The following NELL2 variants were observed in gnomAD, a reference collection of about 807,000 sequenced individuals.
NELL2 encodes the protein neural EGFL like 2, also known as protein kinase C-binding protein NELL2.
In NELL2, 41 loss-of-function variants were observed where a neutral mutation model predicts 109.6. The ratio of observed to expected loss-of-function variants is 0.37; its 90% CI spans 0.29 to 0.49. The LOEUF is 0.49. Among genes scored for constraint, NELL2 ranks in the 20% least tolerant of loss-of-function variants. NELL2 has a pLI of 0.98. For missense variants in NELL2, 900 were observed against 1,008.3 expected, an observed-to-expected ratio of 0.89 and a Z score of 1.45; for synonymous variants, 355 against 344.7, an observed-to-expected ratio of 1.03 and a Z score of -0.33.
At chr12:44,900,780 A>T (rs1306583380) in intron 1 of NELL2, among the ~76,000 whole-genome samples, 1 of 152,040 alleles carries the variant, frequency 6.6e-6, no homozygotes, top group Non-Finnish European at 1.5e-5. Context: ...CACAAGGTCA[A>T]GAGATCGAGA....
chr12:44,826,488 G>A (rs1438626138), intron 2 of NELL2, among the ~76,000 whole-genome samples: 1 of 152,050 alleles, frequency 6.6e-6, no homozygotes, highest in African/African-American at 2.4e-5. Context: ...AAACTTATAA[G>A]ACAAAATGGT....
At chr12:44,836,988 G>A (rs968264758) in intron 2 of NELL2, among the ~76,000 whole-genome samples, 8 of 152,206 alleles carry the variant, frequency 5.3e-5, no homozygotes, top group South Asian at 4.1e-4. Context: ...GACCACTACC[G>A]TCATAAACAG....
At chr12:44,785,623 C>G (rs1332519988) in intron 3 of NELL2, among the ~76,000 whole-genome samples, 1 of 152,196 alleles carries the variant, frequency 6.6e-6, no homozygotes, top group Non-Finnish European at 1.5e-5. Flanking sequence ...CACCTGACTT[C>G]AAACTATACT....
Position 44,582,413 on chromosome 12 carries a change from T to TA in NELL2, c.1663+24755dup, listed in dbSNP as rs140060065. Among the ~76,000 whole-genome samples, 1,195 of 152,220 alleles carry TA rather than the reference T, an allele frequency of 7.9e-3. 12 individuals are homozygous for TA. The highest frequency in any genetic ancestry group is 0.027 in the African/African-American group (1,128 of 41,520). ...ATATTTGGAGAAAGAGCAAGAAAGT[T>TA]AGGGTATTCATAAAGGTGTGTTTAG... On this transcript the variant is annotated intron_variant, in intron 15 of 19. Transcript: ENST00000429094.
At chr12:44,614,579 C>T (rs1424953579) in intron 13 of NELL2, among the ~76,000 whole-genome samples, 1 of 151,994 alleles carries the variant, frequency 6.6e-6, no homozygotes, top group Non-Finnish European at 1.5e-5. Flanking sequence ...CAGTTGGATG[C>T]ATCTAAACGC....
chr12:44,611,791 A>C (rs970378495), intron 13 of NELL2, among the ~76,000 whole-genome samples: 2 of 152,052 alleles, frequency 1.3e-5, no homozygotes, highest in Non-Finnish European at 2.9e-5. Flanking sequence ...TCAGAATTCT[A>C]GCTCAGCATT....
chr12:44,693,218 A>G (rs987168741), intron 12 of NELL2, among the ~76,000 whole-genome samples: 3 of 152,202 alleles, frequency 2.0e-5, no homozygotes, highest in Admixed American at 1.3e-4. Flanking sequence ...CAGCAAAAAT[A>G]TTATTATGAC....
intron 7 of NELL2, 72 bp from the exon 8 acceptor site, chr12:44,776,222 G>C (rs1043205182): frequency 5.8e-6 from 9 of 1,550,414 alleles, no homozygotes; most frequent in Admixed American, 3.7e-5. Flanking sequence ...CACTCCGCAG[G>C]TATCTTTTTT....
chr12:44,708,511 T>A lies in NELL2; in HGVS notation c.1189+2781A>T, dbSNP rs1287960622. On this transcript the variant is annotated intron_variant, in intron 11 of 19. Transcript: ENST00000429094. ...AATAGGCCTGGAAACAGGAGGCCAATTTTATCACAAATGAATTTGTCACAA... is the reference window on the plus strand; with the variant it reads ...AATAGGCCTGGAAACAGGAGGCCAAATTTATCACAAATGAATTTGTCACAA... 2.0e-5 allele frequency among the ~76,000 whole-genome samples: 3 copies of A among 152,186 alleles called. No individual in the cohort carries two copies. In the East Asian group the frequency reaches 5.8e-4, roughly 29 times the overall value.
chr12:44,773,955 T>C (rs2136581995), intron 9 of NELL2, among the ~76,000 whole-genome samples: 1 of 152,286 alleles, frequency 6.6e-6, no homozygotes, highest in Non-Finnish European at 1.5e-5. Context: ...AGAGTATACA[T>C]ATAAATACAC....
intron 3 of NELL2, 119 bp from the exon 4 acceptor site, chr12:44,780,141 T>A: frequency 1.0e-6 from 1 of 976,438 alleles, no homozygotes. Flanking sequence ...TAAGTACAAC[T>A]AGACATCATA....
At position 44,643,192 on chromosome 12, in the gene NELL2, G is replaced by C. The variant is rs540212716; in HGVS notation, c.1444+22292C>G. On this transcript the variant is annotated intron_variant, in intron 13 of 19. Coordinates refer to ENST00000429094, the MANE Select transcript of NELL2 (RefSeq NM_001145108.2). The stretch of plus-strand genomic sequence containing the variant: ...TGTATCCTAAGAATATTATCAGGGA[G>C]GATTACAAAAGTCCTATACCACATA... Among the ~76,000 whole-genome samples, 3 of 152,036 alleles carry C rather than the reference G, an allele frequency of 2.0e-5. No individual in the cohort carries two copies. The South Asian group carries it at 6.2e-4, about 32-fold the overall frequency.
chr12:44,752,026 T>C (rs957948104), intron 9 of NELL2, among the ~76,000 whole-genome samples: 1 of 152,092 alleles, frequency 6.6e-6, no homozygotes, highest in African/African-American at 2.4e-5. Context: ...TTGGGCTACA[T>C]TCAAAGCCAT....
intron 19 of NELL2, among the ~76,000 whole-genome samples, chr12:44,514,761 AG>A (rs1941182902): frequency 6.6e-6 from 1 of 151,476 alleles, no homozygotes. Flanking sequence ...TTTCTTCAAA[AG>A]ACATAAAACT....
intron 15 of NELL2, among the ~76,000 whole-genome samples, chr12:44,547,463 A>G (rs1426776761): frequency 6.6e-6 from 1 of 152,126 alleles, no homozygotes; most frequent in African/African-American, 2.4e-5. Flanking sequence ...ATAAAATATT[A>G]CTCCAGCATG....
chr12:44,639,762 T>C (rs751809477), intron 13 of NELL2, among the ~76,000 whole-genome samples: 1 of 152,154 alleles, frequency 6.6e-6, no homozygotes, highest in Non-Finnish European at 1.5e-5. Flanking sequence ...AGCAATGTCT[T>C]TAAAACATCA....
intron 3 of NELL2, among the ~76,000 whole-genome samples, chr12:44,793,190 T>TA (rs1240346116): frequency 6.6e-6 from 1 of 152,016 alleles, no homozygotes; most frequent in Non-Finnish European, 1.5e-5. Context: ...TATTTTAAGA[T>TA]AAAAAAGAAA....
chr12:44,601,684 A>G (rs1234315110), intron 15 of NELL2, among the ~76,000 whole-genome samples: 1 of 152,180 alleles, frequency 6.6e-6, no homozygotes, highest in Non-Finnish European at 1.5e-5. Context: ...CAAAATCATC[A>G]TATCAGGTGT....
At chr12:44,684,961 C>T (rs1022657072) in intron 12 of NELL2, among the ~76,000 whole-genome samples, 21 of 152,098 alleles carry the variant, frequency 1.4e-4, no homozygotes, top group Admixed American at 3.9e-4. Flanking sequence ...GAGTTCAATT[C>T]CTGGGTATCC....
Sources: gnomAD v4.1 joint callset for allele counts (sites outside exome capture counted in the v4.1 genomes callset) on GRCh38, gnomAD v4.1.1 for gene constraint, MANE v1.5 for transcripts, NCBI Gene and HGNC (gene_info 2026-07-23, HGNC 2026-07-21) for gene names.